CEP128: variants seen among roughly 807,000 people sequenced by gnomAD.
The protein encoded by CEP128 is centrosomal protein 128kDa.
Under a neutral mutation model 156.7 loss-of-function variants are expected in CEP128, and 132 were observed. That is an observed-to-expected ratio of 0.84 (90% CI 0.73 to 0.97). The LOEUF (loss-of-function observed/expected upper bound fraction) is 0.97. Among genes scored for constraint, CEP128 ranks in the 50% least tolerant of loss-of-function variants. The probability of loss-of-function intolerance (pLI) is 0.00; values close to 1 mark genes in which losing one functional copy is unlikely to be tolerated. For missense variants in CEP128, 1,252 were observed against 1,281.9 expected (o/e 0.98, Z 0.36); for synonymous variants, 469 against 448.9 (o/e 1.04, Z -0.57).
At chr14:80,522,295 G>T (rs1372207616) in intron 23 of CEP128, among the ~76,000 whole-genome samples, 1 of 152,146 alleles carries the variant, frequency 6.6e-6, no homozygotes, top group African/African-American at 2.4e-5. Flanking sequence ...TGTGAGCAAG[G>T]TATAAACAAA....
At chr14:80,657,240 G>C (rs1416543101) in intron 19 of CEP128, among the ~76,000 whole-genome samples, 2 of 151,360 alleles carry the variant, frequency 1.3e-5, no homozygotes, top group African/African-American at 4.9e-5. Flanking sequence ...CTGGGCAATA[G>C]AGCCAGACTC....
intron 19 of CEP128, among the ~76,000 whole-genome samples, chr14:80,739,371 T>C (rs961543193): frequency 6.6e-6 from 1 of 152,012 alleles, no homozygotes; most frequent in Non-Finnish European, 1.5e-5. Flanking sequence ...AAAGAAGAAA[T>C]CCCTAACTCT....
In CEP128 at chr14:80,530,976, TAAG is replaced by T. The variant is rs1007068428; in HGVS notation, c.2881-93_2881-91del. On this transcript the variant is annotated intron_variant, in intron 21 of 24. Coordinates refer to ENST00000555265, the MANE Select transcript of CEP128 (RefSeq NM_152446.5). ...ATACTAAAAATCAGATGCACCACTG[TAAG>T]AAGCAGTTCAAACTGTAGATTTAGA... 9 of 667,872 alleles carry T rather than the reference TAAG, an allele frequency of 1.3e-5. No individual in the cohort carries two copies. The African/African-American group carries it at 1.5e-4, about 11-fold the overall frequency. The allele number at this position is 667,872 out of a possible 1,614,324, so 41.4% of individuals were successfully genotyped here.
chr14:80,847,081 C>G (rs867960214), intron 9 of CEP128, among the ~76,000 whole-genome samples: 7 of 152,092 alleles, frequency 4.6e-5, no homozygotes, highest in African/African-American at 1.2e-4. Flanking sequence ...AAGAGACATC[C>G]TCCAAGGTCT....
At chr14:80,638,512 G>T (rs1396032109) in intron 19 of CEP128, among the ~76,000 whole-genome samples, 2 of 152,146 alleles carry the variant, frequency 1.3e-5, no homozygotes, top group African/African-American at 4.8e-5. Context: ...TCAGATGCTT[G>T]CTCCATTGTC....
chr14:80,658,849 A>G (rs1000141303), intron 19 of CEP128, among the ~76,000 whole-genome samples: 1 of 152,160 alleles, frequency 6.6e-6, no homozygotes, highest in Non-Finnish European at 1.5e-5. Flanking sequence ...AAGCTTTTCT[A>G]CCACCCTAGA....
chr14:80,840,124 C>T (rs569377456), intron 10 of CEP128, among the ~76,000 whole-genome samples: 1 of 152,266 alleles, frequency 6.6e-6, no homozygotes, highest in African/African-American at 2.4e-5. Context: ...TCATTCATTA[C>T]TTTGAGCTCA....
rs963499519 is a variant in CEP128, at chr14:80,497,573, T to C, written c.3191A>G (p.Lys1064Arg). The C allele has an allele frequency of 1.2e-6, 2 of 1,611,092 alleles. No homozygotes were observed. The highest frequency in any genetic ancestry group is 1.3e-5 in the African/African-American group (1 of 74,972). ...PRFSYVNSFT[K>R]RTVAPDSASN... ...AGCTGAATCTGGAGCAACAGTTCTT[T>C]TGGTAAATGCTGGCAAGGTAAGAAG... The change falls in exon 25 of 25, where the codon AAA (lysine) becomes AGA (arginine). Residue 1064 changes from lysine to arginine, a missense_variant. Coordinates refer to ENST00000555265, the MANE Select transcript of CEP128 (RefSeq NM_152446.5).
At chr14:80,905,117 A>C (rs1001327133) in intron 5 of CEP128, among the ~76,000 whole-genome samples, 186 bp from the exon 6 acceptor site, 1 of 152,148 alleles carries the variant, frequency 6.6e-6, no homozygotes, top group African/African-American at 2.4e-5. Flanking sequence ...CATGCTCTTA[A>C]AGCAGATAAA....
chr14:80,631,646 A>C (rs1273169840), intron 19 of CEP128, among the ~76,000 whole-genome samples: 1 of 152,092 alleles, frequency 6.6e-6, no homozygotes, highest in Non-Finnish European at 1.5e-5. Flanking sequence ...CAAAGCCTGA[A>C]GCAATTTGTA....
chr14:80,741,864 A>T (rs1337989865), intron 19 of CEP128, among the ~76,000 whole-genome samples: 1 of 152,164 alleles, frequency 6.6e-6, no homozygotes, highest in Admixed American at 6.6e-5. Context: ...ATTATAAAAA[A>T]AAAAAAGTTT....
intron 14 of CEP128, among the ~76,000 whole-genome samples, chr14:80,485,265 C>G (rs769407294): frequency 6.6e-6 from 1 of 152,068 alleles, no homozygotes; most frequent in Non-Finnish European, 1.5e-5. Flanking sequence ...AATCATTTTG[C>G]GGTTGTATGG....
At chr14:80,611,781 CG>C (rs1253789479) in intron 19 of CEP128, among the ~76,000 whole-genome samples, 3 of 152,010 alleles carry the variant, frequency 2.0e-5, no homozygotes, top group African/African-American at 7.3e-5. Flanking sequence ...TTAGATAGGC[CG>C]GGTGTGGTGG....
intron 19 of CEP128, among the ~76,000 whole-genome samples, chr14:80,617,217 A>ACCTTTTTTTTTTTT (rs1491470595): frequency 4.6e-5 from 2 of 43,140 alleles, no homozygotes; most frequent in Non-Finnish European, 5.0e-5. Context: ...TGTGAATATC[A>ACCTTTTTTTTTTTT]TCTTTTTTTT....
intron 18 of CEP128, among the ~76,000 whole-genome samples, chr14:80,756,008 A>G (rs1899641964): frequency 1.3e-5 from 2 of 152,230 alleles, no homozygotes; most frequent in South Asian, 4.1e-4. Flanking sequence ...GAACTACTGC[A>G]GTGAAAGCTT....
At chr14:80,552,121 G>A (rs150734253) in intron 21 of CEP128, among the ~76,000 whole-genome samples, 1,766 of 152,160 alleles carry the variant, frequency 0.012, 21 homozygotes, top group Middle Eastern at 0.044. Context: ...TTAGGAGAAA[G>A]TGTATCTAGA....
At chr14:80,540,761 C>T (rs80292285) in intron 21 of CEP128, among the ~76,000 whole-genome samples, 5,431 of 152,172 alleles carry the variant, frequency 0.036, 126 homozygotes, top group South Asian at 0.077. Context: ...CATCTTACTC[C>T]TAGGCTGGGG....
intron 11 of CEP128, among the ~76,000 whole-genome samples, chr14:80,837,251 A>G (rs1334964504): frequency 1.3e-5 from 2 of 152,234 alleles, no homozygotes; most frequent in African/African-American, 4.8e-5. Flanking sequence ...CATACACTTC[A>G]AAACAGAAGA....
At chr14:80,520,221 C>A (rs1888673981) in intron 23 of CEP128, among the ~76,000 whole-genome samples, 1 of 152,076 alleles carries the variant, frequency 6.6e-6, no homozygotes, top group African/African-American at 2.4e-5. Flanking sequence ...GGGTTGGAGA[C>A]CAGCCTGGCC....
Sources: allele counts gnomAD v4.1 joint callset (sites outside exome capture counted in the v4.1 genomes callset), GRCh38; gene constraint gnomAD v4.1.1; transcripts MANE v1.5; gene names NCBI Gene and HGNC (gene_info 2026-07-23, HGNC 2026-07-21).